Variants in KLF6 observed in about 807,000 individuals in gnomAD.
KLF6 encodes the protein Krueppel-like factor 6.
For missense variants in KLF6, 233 were observed against 359.8 expected (o/e 0.65, Z 2.85); for synonymous variants, 152 against 147.9 (o/e 1.03, Z -0.20).
Position 3,781,526 on chromosome 10 carries a change from A to C in KLF6, c.676+115T>G. On this transcript the variant is annotated intron_variant, in intron 2 of 3. Coordinates refer to ENST00000497571, the MANE Select transcript of KLF6 (RefSeq NM_001300.6). This position sits in a 1 kb window ranked among gnomAD's most constrained non-coding sequence, Gnocchi z 5.8. ...TTGGTGGAAAACATCTGAGGAAGTG[A>C]GGATTTGTCTGCCCTGACCACATCC... is the stretch of plus-strand genomic sequence containing the variant. The C allele has an allele frequency of 6.4e-7, 1 of 1,556,734 alleles. No individual in the cohort carries two copies. The highest frequency in any genetic ancestry group is 8.7e-7 in the Non-Finnish European group (1 of 1,150,076).
chr10:3,784,112 T>C (rs191326210), intron 1 of KLF6, among the ~76,000 whole-genome samples: 1 of 152,226 alleles, frequency 6.6e-6, no homozygotes, highest in East Asian at 1.9e-4. Context: ...GAGACAACAG[T>C]AAACCCTCCT....
Position 3,777,876 on chromosome 10 carries a change from G to A in KLF6, c.*1663C>T, listed in dbSNP as rs1047586692. On this transcript the variant is annotated 3_prime_UTR_variant, in exon 4 of 4. Coordinates refer to ENST00000497571, the MANE Select transcript of KLF6 (RefSeq NM_001300.6). ...TGTATTACCAACAGATAGCTAGACAGATATGTGAAACTTGTGCCTTTTAAG... is the reference window on the plus strand; with the variant it reads ...TGTATTACCAACAGATAGCTAGACAAATATGTGAAACTTGTGCCTTTTAAG... 9 of 487,436 alleles carry A rather than the reference G, an allele frequency of 1.8e-5. No individual in the cohort carries two copies. The highest frequency in any genetic ancestry group is 1.2e-4 in the Admixed American group (5 of 42,702). 30.2% of individuals were successfully genotyped at this position (487,436 alleles called of 1,614,324 possible). A position where few individuals can be genotyped will look rare whatever the true frequency, so the allele number is the denominator to read the frequency against.
chr10:3,784,875 C>A (rs1832614923), intron 1 of KLF6, 38 bp downstream of exon 1: 2 of 1,582,630 alleles, frequency 1.3e-6, no homozygotes, highest in Middle Eastern at 2.0e-4. Flanking sequence ...CGGCCCGCGC[C>A]CCGGCGCCCG....
chr10:3,784,792 C>A, intron 1 of KLF6, 121 bp downstream of exon 1: 1 of 919,542 alleles, frequency 1.1e-6, no homozygotes, highest in Non-Finnish European at 1.5e-6. Context: ...GCGCCCGCTC[C>A]CCCGGTGACA....
chr10:3,781,870 T>C lies in KLF6; in HGVS notation c.447A>G (p.Pro149=). Reference sequence around the variant, plus strand: ...GTTCCCTGCTCAGTTCCGGAGAAGATGGAGGCGTGGAGGTGACAGAGGAGC... The same window carrying C: ...GTTCCCTGCTCAGTTCCGGAGAAGACGGAGGCGTGGAGGTGACAGAGGAGC... ...KLSSSVTSTP[P]SSPELSREPS... is the part of the protein sequence containing the mutation. The change falls in exon 2 of 4, where the codon CCA becomes CCG. Residue 149 remains proline (P), a synonymous_variant. Transcript: ENST00000497571. The surrounding 1 kb of genome is among the most constrained non-coding windows in gnomAD (Gnocchi z 5.8). 6.2e-7 allele frequency: 1 copy of C among 1,614,184 alleles called. No individual in the cohort carries two copies. Among genetic ancestry groups the C allele is most frequent in the South Asian group, 1.1e-5 (1 of 91,078 alleles).
Position 3,781,231 on chromosome 10 carries a change from C to T in KLF6, c.676+410G>A. On this transcript the variant is annotated intron_variant, in intron 2 of 3. Coordinates refer to ENST00000497571, the MANE Select transcript of KLF6 (RefSeq NM_001300.6). The surrounding 1 kb of genome is among the most constrained non-coding windows in gnomAD (Gnocchi z 5.8). ...CCGTCAGCATCAAACCCACACACTCCACGCTGCCCAGCAACCCTCTGTCCT... is the reference window on the plus strand; with the variant it reads ...CCGTCAGCATCAAACCCACACACTCTACGCTGCCCAGCAACCCTCTGTCCT... The T allele has an allele frequency of 2.0e-6, 1 of 497,626 alleles. No homozygotes were observed. Among genetic ancestry groups the T allele is most frequent in the Non-Finnish European group, 3.5e-6 (1 of 289,070 alleles). The allele number at this position is 497,626 out of a possible 1,614,324, so 30.8% of individuals were successfully genotyped here. A position where few individuals can be genotyped will look rare whatever the true frequency, so the allele number is the denominator to read the frequency against.
Position 3,777,279 on chromosome 10 carries a change from G to A in KLF6, c.*2260C>T. 1 of 516,088 alleles carries A rather than the reference G, an allele frequency of 1.9e-6. No homozygotes were observed. The highest frequency in any genetic ancestry group is 1.5e-5 in the South Asian group (1 of 64,804). The allele number at this position is 516,088 out of a possible 1,614,324, so 32.0% of individuals were successfully genotyped here. A position where few individuals can be genotyped will look rare whatever the true frequency, so the allele number is the denominator to read the frequency against. On this transcript the variant is annotated 3_prime_UTR_variant, in exon 4 of 4. Transcript: ENST00000497571. ...CCAGCAGCTGGGTGAAATATCAGCT[G>A]TCCACGCCGTGGTATGCCAATTCGG...
In KLF6 at chr10:3,777,322, A is replaced by G. The variant is rs753727429; in HGVS notation, c.*2217T>C. 1.8e-5 allele frequency: 9 copies of G among 513,776 alleles called. No homozygotes were observed. The highest frequency in any genetic ancestry group is 1.4e-4 in the South Asian group (9 of 64,874). 31.8% of individuals were successfully genotyped at this position (513,776 alleles called of 1,614,324 possible). On this transcript the variant is annotated 3_prime_UTR_variant, in exon 4 of 4. Coordinates refer to ENST00000497571, the MANE Select transcript of KLF6 (RefSeq NM_001300.6). The stretch of plus-strand genomic sequence containing the variant: ...CAATTCGGGGAAATTACTCCTTGGA[A>G]AAACTGGAAGAATCTACTTGCTGGA...
Position 3,778,379 on chromosome 10 carries a change from GA to G in KLF6, c.*1159del, listed in dbSNP as rs778755184. 9.5e-6 allele frequency: 5 copies of G among 524,898 alleles called. No individual in the cohort carries two copies. The highest frequency in any genetic ancestry group is 7.7e-5 in the South Asian group (5 of 65,082). 32.5% of individuals were successfully genotyped at this position (524,898 alleles called of 1,614,324 possible). ...AAATAAGAGAAACATAGCTGCATGAGAAAACAGTTTCTAAGCGTTAGTGGTT... is the reference window on the plus strand; with the variant it reads ...AAATAAGAGAAACATAGCTGCATGAGAAACAGTTTCTAAGCGTTAGTGGTT... On this transcript the variant is annotated 3_prime_UTR_variant, in exon 4 of 4. Coordinates refer to ENST00000497571, the MANE Select transcript of KLF6 (RefSeq NM_001300.6).
chr10:3,783,537 C>G (rs758468065), intron 1 of KLF6, among the ~76,000 whole-genome samples: 2 of 152,178 alleles, frequency 1.3e-5, no homozygotes, highest in Non-Finnish European at 2.9e-5. Context: ...ATCCCTCCCC[C>G]TCCCCAGGCT....
At position 3,781,788 on chromosome 10, in the gene KLF6, T is replaced by C; in HGVS notation, c.529A>G (p.Ser177Gly). 2 of 1,614,234 alleles carry C rather than the reference T, an allele frequency of 1.2e-6. No homozygotes were observed. Among genetic ancestry groups the C allele is most frequent in the South Asian group, 1.1e-5 (1 of 91,088 alleles). Reference sequence around the variant, plus strand: ...TCACCTGGCTTCCCCGAAGTCCCGCTGCGCACCTTCCCTGGCGAGGGCAGC... The same window carrying C: ...TCACCTGGCTTCCCCGAAGTCCCGCCGCGCACCTTCCCTGGCGAGGGCAGC... ...GELPSPGKVR[S>G]GTSGKPGDKG... Residue 177 changes from serine to glycine, a missense_variant, in exon 2 of 4, where the codon AGC becomes GGC. Physicochemically the swap from Ser to Gly is moderately conservative, Grantham distance 56. Coordinates refer to ENST00000497571, the MANE Select transcript of KLF6 (RefSeq NM_001300.6). This position sits in a 1 kb window ranked among gnomAD's most constrained non-coding sequence, Gnocchi z 5.8.
chr10:3,780,496 G>GA lies in KLF6; in HGVS notation c.677-268dup, dbSNP rs982724878. ...AAAGTTAACGTGGAAGAACGACCACGACTCAGACCAGCAAAATGCTTGCGG... is the reference window on the plus strand; with the variant it reads ...AAAGTTAACGTGGAAGAACGACCACGAACTCAGACCAGCAAAATGCTTGCGG... On this transcript the variant is annotated intron_variant, in intron 2 of 3. Transcript: ENST00000497571. This position sits in a 1 kb window ranked among gnomAD's most constrained non-coding sequence, Gnocchi z 4.6. 1.9e-6 allele frequency: 1 copy of GA among 518,388 alleles called. No individual in the cohort carries two copies. Among genetic ancestry groups the GA allele is most frequent in the African/African-American group, 1.9e-5 (1 of 52,198 alleles). 32.1% of individuals were successfully genotyped at this position (518,388 alleles called of 1,614,324 possible). A position where few individuals can be genotyped will look rare whatever the true frequency, so the allele number is the denominator to read the frequency against.
At position 3,777,206 on chromosome 10, in the gene KLF6, A is replaced by T. The variant is rs1240610446; in HGVS notation, c.*2333T>A. The T allele has an allele frequency of 9.7e-6, 5 of 517,084 alleles. No homozygotes were observed. The highest frequency in any genetic ancestry group is 5.7e-5 in the African/African-American group (3 of 52,838). The allele number at this position is 517,084 out of a possible 1,614,324, so 32.0% of individuals were successfully genotyped here. ...TCAAACAAAATACCAGCCCAGCCAGACTCACATGTGTGTATATATATATAA... is the reference window on the plus strand; with the variant it reads ...TCAAACAAAATACCAGCCCAGCCAGTCTCACATGTGTGTATATATATATAA... On this transcript the variant is annotated 3_prime_UTR_variant, in exon 4 of 4. Transcript: ENST00000497571.
Position 3,781,070 on chromosome 10 carries a change from T to G in KLF6, c.676+571A>C. The G allele has an allele frequency of 5.9e-6, 1 of 170,426 alleles. No individual in the cohort carries two copies. Among genetic ancestry groups the G allele is most frequent in the Non-Finnish European group, 1.3e-5 (1 of 79,476 alleles). The allele number at this position is 170,426 out of a possible 1,614,324, so 10.6% of individuals were successfully genotyped here. A position where few individuals can be genotyped will look rare whatever the true frequency, so the allele number is the denominator to read the frequency against. ...TTTTTAAATAGCACTTTCACCTAGG[T>G]ATGGCATTTCATTAAGAAACTGTTT... On this transcript the variant is annotated intron_variant, in intron 2 of 3. Coordinates refer to ENST00000497571, the MANE Select transcript of KLF6 (RefSeq NM_001300.6). The surrounding 1 kb of genome is among the most constrained non-coding windows in gnomAD (Gnocchi z 5.8).
rs1268981613 is a variant in KLF6, at chr10:3,776,483, A to C, written c.*3056T>G. The stretch of plus-strand genomic sequence containing the variant: ...GAAGATTTGCCCCCAGGAGGAAGCC[A>C]GGGTGATGAATGCAGGAGGAATCTG... On this transcript the variant is annotated 3_prime_UTR_variant, in exon 4 of 4. Coordinates refer to ENST00000497571, the MANE Select transcript of KLF6 (RefSeq NM_001300.6). 1.9e-6 allele frequency: 1 copy of C among 530,646 alleles called. No homozygotes were observed. Among genetic ancestry groups the C allele is most frequent in the Non-Finnish European group, 3.6e-6 (1 of 274,014 alleles). The allele number at this position is 530,646 out of a possible 1,614,324, so 32.9% of individuals were successfully genotyped here.
chr10:3,776,097 C>A lies in KLF6; in HGVS notation c.*3442G>T, dbSNP rs1564291397. 1 of 529,572 alleles carries A rather than the reference C, an allele frequency of 1.9e-6. No individual in the cohort carries two copies. Among genetic ancestry groups the A allele is most frequent in the Non-Finnish European group, 3.7e-6 (1 of 273,254 alleles). The allele number at this position is 529,572 out of a possible 1,614,324, so 32.8% of individuals were successfully genotyped here. Reference sequence around the variant, plus strand: ...CTGGAGTCCCTCTGCCTCCTCCACCCCTCCCAGACATGCCTCAGCCAGGTG... The same window carrying A: ...CTGGAGTCCCTCTGCCTCCTCCACCACTCCCAGACATGCCTCAGCCAGGTG... On this transcript the variant is annotated 3_prime_UTR_variant, in exon 4 of 4. Coordinates refer to ENST00000497571, the MANE Select transcript of KLF6 (RefSeq NM_001300.6).
In KLF6 at chr10:3,777,689, CT is replaced by C; in HGVS notation, c.*1849del. 2.2e-6 allele frequency: 1 copy of C among 455,524 alleles called. No homozygotes were observed. Among genetic ancestry groups the C allele is most frequent in the Non-Finnish European group, 4.3e-6 (1 of 230,002 alleles). The allele number at this position is 455,524 out of a possible 1,614,324, so 28.2% of individuals were successfully genotyped here. ...CCATTTTGAAATATTTCTTCACAGGCTGTGGAATTTTCTAGCTAAACATTCT... is the reference window on the plus strand; with the variant it reads ...CCATTTTGAAATATTTCTTCACAGGCGTGGAATTTTCTAGCTAAACATTCT... On this transcript the variant is annotated 3_prime_UTR_variant, in exon 4 of 4. Transcript: ENST00000497571.
chr10:3,781,207 C>T lies in KLF6; in HGVS notation c.676+434G>A, dbSNP rs79079184. Reference sequence around the variant, plus strand: ...GGCCGGTCCCACTCGGGCCTCGGGCCGTCAGCATCAAACCCACACACTCCA... The same window carrying T: ...GGCCGGTCCCACTCGGGCCTCGGGCTGTCAGCATCAAACCCACACACTCCA... On this transcript the variant is annotated intron_variant, in intron 2 of 3. Coordinates refer to ENST00000497571, the MANE Select transcript of KLF6 (RefSeq NM_001300.6). This position sits in a 1 kb window ranked among gnomAD's most constrained non-coding sequence, Gnocchi z 5.8. 1,581 of 411,240 alleles carry T rather than the reference C, an allele frequency of 3.8e-3. 25 individuals are homozygous for T. Among genetic ancestry groups the T allele is most frequent in the African/African-American group, 0.029 (1,437 of 49,448 alleles). The allele number at this position is 411,240 out of a possible 1,614,324, so 25.5% of individuals were successfully genotyped here.
In KLF6 at chr10:3,778,359, A is replaced by G; in HGVS notation, c.*1180T>C. 1.9e-6 allele frequency: 1 copy of G among 524,496 alleles called. No individual in the cohort carries two copies. The highest frequency in any genetic ancestry group is 3.7e-6 in the Non-Finnish European group (1 of 270,226). 32.5% of individuals were successfully genotyped at this position (524,496 alleles called of 1,614,324 possible). On this transcript the variant is annotated 3_prime_UTR_variant, in exon 4 of 4. Transcript: ENST00000497571. ...GAAATTAGTCCTCAAGGCATAAATA[A>G]GAGAAACATAGCTGCATGAGAAAAC...
Sources: gnomAD v4.1 joint callset for allele counts (sites outside exome capture counted in the v4.1 genomes callset) on GRCh38, gnomAD v4.1.1 for gene constraint, Gnocchi (gnomAD v3.1) non-coding constraint, MANE v1.5 for transcripts, NCBI Gene and HGNC (gene_info 2026-07-23, HGNC 2026-07-21) for gene names.